RAB6A: variants seen among roughly 807,000 people sequenced by gnomAD.
The protein encoded by RAB6A is RAB6A, member RAS oncogene family, also known as ras-related protein Rab-6A.
RAB6A carries 8 observed loss-of-function variants against 32.3 expected under a neutral mutation model. The observed-to-expected ratio is 0.25, with a 90% confidence interval of 0.15 to 0.45. The LOEUF (loss-of-function observed/expected upper bound fraction) is 0.45, where lower values mean the gene tolerates loss of function less well. Among genes scored for constraint, RAB6A ranks in the 20% least tolerant of loss-of-function variants. RAB6A has a pLI of 1.00. For synonymous variants in RAB6A, 73 were observed against 82.1 expected (o/e 0.89, Z 0.60); for missense variants, 104 against 249.4 (o/e 0.42, Z 3.93).
intron 1 of RAB6A, among the ~76,000 whole-genome samples, chr11:73,746,629 G>C (rs914666568): frequency 1.3e-5 from 2 of 151,974 alleles, no homozygotes; most frequent in Admixed American, 1.3e-4. Context: ...ATTTAGCTGG[G>C]GATGGTGGTA....
At chr11:73,722,330 TA>T (rs1946150395) in intron 2 of RAB6A, 3 of 11,478 alleles carry the variant, frequency 2.6e-4, no homozygotes, top group African/African-American at 9.1e-4. Flanking sequence ...TATATATATA[TA>T]TATATATATA....
intron 2 of RAB6A, among the ~76,000 whole-genome samples, chr11:73,723,184 T>G (rs928646113): frequency 3.3e-5 from 5 of 152,150 alleles, no homozygotes. Flanking sequence ...AACATGCAGT[T>G]AGTCTCTACC....
chr11:73,690,656 A>G (rs1945537761), intron 6 of RAB6A, among the ~76,000 whole-genome samples: 1 of 146,176 alleles, frequency 6.8e-6, no homozygotes. Flanking sequence ...GAGACACCGG[A>G]GGGTGGTAAC....
At chr11:73,711,576 A>G (rs1453359853) in intron 5 of RAB6A, among the ~76,000 whole-genome samples, 1 of 152,234 alleles carries the variant, frequency 6.6e-6, no homozygotes, top group African/African-American at 2.4e-5. Flanking sequence ...AAATAGTGCT[A>G]TAGGAAATAG....
intron 2 of RAB6A, among the ~76,000 whole-genome samples, chr11:73,723,466 C>A (rs900675004): frequency 2.0e-5 from 3 of 152,058 alleles, no homozygotes; most frequent in Non-Finnish European, 4.4e-5. Flanking sequence ...GCTGAGACTA[C>A]AGGTGTGCAC....
At chr11:73,733,184 T>A (rs1183039684) in intron 1 of RAB6A, among the ~76,000 whole-genome samples, 3 of 152,154 alleles carry the variant, frequency 2.0e-5, no homozygotes, top group African/African-American at 7.2e-5. Context: ...ACATTGATTT[T>A]TTTGTTGTTG....
At chr11:73,695,686 C>A (rs2099288675) in intron 6 of RAB6A, among the ~76,000 whole-genome samples, 1 of 152,118 alleles carries the variant, frequency 6.6e-6, no homozygotes, top group Non-Finnish European at 1.5e-5. Context: ...AGCCGAGAAT[C>A]CACTTTCTAG....
chr11:73,704,242 G>T, intron 6 of RAB6A: 1 of 419,746 alleles, frequency 2.4e-6, no homozygotes, highest in Non-Finnish European at 4.8e-6. Context: ...AATTAGCTGG[G>T]CATGGTGGTG....
chr11:73,720,848 T>C lies in RAB6A; in HGVS notation c.181A>G (p.Thr61Ala). 3 of 1,606,466 alleles carry C rather than the reference T, an allele frequency of 1.9e-6. No homozygotes were observed. Among genetic ancestry groups the C allele is most frequent in the Non-Finnish European group, 2.6e-6 (3 of 1,175,678 alleles). ...TGCACACTGAAAATATTACTCACTG[T>C]TCGATCCTCCAAGTACATAGTTTTT... The part of the protein sequence containing the change: ...LSKTMYLEDR[T>A]VRLQLWDTAG... The change falls in exon 3 of 8, where the codon ACA becomes GCA. Residue 61 changes from threonine (T) to alanine (A), a missense_variant and splice_region_variant. Around this residue, in one of 4 missense-constraint regions of RAB6A, gnomAD observed 48 missense variants for 155.2 expected, o/e 0.31. Transcript: ENST00000336083.
intron 1 of RAB6A, among the ~76,000 whole-genome samples, chr11:73,756,122 G>A (rs928209580): frequency 2.6e-5 from 4 of 152,194 alleles, no homozygotes; most frequent in Non-Finnish European, 5.9e-5. Context: ...GGAGGCTGAG[G>A]CCGGAGGATC....
At chr11:73,705,058 C>T (rs1026851358) in intron 6 of RAB6A, among the ~76,000 whole-genome samples, 8 of 152,132 alleles carry the variant, frequency 5.3e-5, no homozygotes, top group African/African-American at 1.9e-4. Context: ...AGCAATCAAA[C>T]ATTATGAAGA....
intron 6 of RAB6A, among the ~76,000 whole-genome samples, chr11:73,685,450 G>A (rs1230313983): frequency 6.6e-6 from 1 of 151,250 alleles, no homozygotes; most frequent in Non-Finnish European, 1.5e-5. Flanking sequence ...GCCACACCCG[G>A]CAAATTTTTT....
chr11:73,702,447 T>C (rs1314706276), intron 6 of RAB6A, among the ~76,000 whole-genome samples: 2 of 152,226 alleles, frequency 1.3e-5, no homozygotes, highest in Non-Finnish European at 2.9e-5. Context: ...GCTGGGATTA[T>C]GGGCATGAGC....
At chr11:73,700,189 C>T (rs1268469918) in intron 6 of RAB6A, among the ~76,000 whole-genome samples, 1 of 152,158 alleles carries the variant, frequency 6.6e-6, no homozygotes, top group Non-Finnish European at 1.5e-5. Flanking sequence ...AAAGAATGTA[C>T]TAATTCCCAG....
intron 1 of RAB6A, among the ~76,000 whole-genome samples, chr11:73,742,056 T>G (rs974757362): frequency 2.0e-5 from 3 of 151,574 alleles, no homozygotes; most frequent in African/African-American, 7.3e-5. Context: ...CTGAGGCAGG[T>G]GGATTACTTG....
chr11:73,691,546 C>CT (rs1199331397), intron 6 of RAB6A, among the ~76,000 whole-genome samples: 2 of 152,216 alleles, frequency 1.3e-5, no homozygotes, highest in Non-Finnish European at 2.9e-5. Context: ...TCCCTCTAGA[C>CT]TTTAAACTTC....
chr11:73,728,862 G>T lies in RAB6A; in HGVS notation c.129+1903C>A, dbSNP rs1005923602. 5.9e-5 allele frequency among the ~76,000 whole-genome samples: 9 copies of T among 151,894 alleles called. No homozygotes were observed. The East Asian group carries it at 1.7e-3, about 29-fold the overall frequency. Reference sequence around the variant, plus strand: ...TTCAGAAGAGTTTTACAAAGTATTGGTGTTGTTCTCTAAATGTTTCATAGA... The same window carrying T: ...TTCAGAAGAGTTTTACAAAGTATTGTTGTTGTTCTCTAAATGTTTCATAGA... On this transcript the variant is annotated intron_variant, in intron 2 of 7. Coordinates refer to ENST00000336083, the MANE Select transcript of RAB6A (RefSeq NM_198896.2).
chr11:73,728,610 A>AAATAATAATAATAATAAT (rs71065031), intron 2 of RAB6A, among the ~76,000 whole-genome samples: 12,113 of 136,274 alleles, frequency 0.089, 600 homozygotes, highest in East Asian at 0.18. Context: ...GTCTTTGTTT[A>AAATAATAATAATAATAAT]AATAATAATA....
At chr11:73,748,379 T>C (rs1336465907) in intron 1 of RAB6A, among the ~76,000 whole-genome samples, 5 of 152,192 alleles carry the variant, frequency 3.3e-5, no homozygotes, top group Non-Finnish European at 5.9e-5. Context: ...TGAGCAGCCA[T>C]AGCAAAATAG....
Sources: allele counts gnomAD v4.1 joint callset (sites outside exome capture counted in the v4.1 genomes callset), GRCh38; gene constraint gnomAD v4.1.1; regional missense constraint gnomAD v4.1.1; transcripts MANE v1.5; gene names NCBI Gene and HGNC (gene_info 2026-07-23, HGNC 2026-07-21).